Variants in ATAD3A observed in about 807,000 individuals in gnomAD.
The protein encoded by ATAD3A is ATPase family AAA domain containing 3A.
In ATAD3A, 46 loss-of-function variants were observed where a neutral mutation model predicts 73.8. The ratio of observed to expected loss-of-function variants is 0.62; its 90% CI spans 0.49 to 0.80. ATAD3A has a LOEUF of 0.80. Among genes scored for constraint, ATAD3A ranks in the 30% least tolerant of loss-of-function variants. ATAD3A has a pLI of 0.00. For missense variants in ATAD3A, 705 were observed against 838.0 expected (o/e 0.84, Z 1.96); for synonymous variants, 319 against 350.0 (o/e 0.91, Z 0.99).
chr1:1,530,208 A>C (rs1466768575), intron 15 of ATAD3A, among the ~76,000 whole-genome samples: 1 of 152,204 alleles, frequency 6.6e-6, no homozygotes, highest in African/African-American at 2.4e-5. Context: ...GTTCCAGGCC[A>C]TCCCCACTTG....
rs535236252 is a variant in ATAD3A, at chr1:1,516,880, T to A, written c.283-431T>A. Among the ~76,000 whole-genome samples the A allele has an allele frequency of 2.5e-3, 374 of 152,062 alleles. 1 individual carries two copies. The highest frequency in any genetic ancestry group is 3.8e-3 in the Non-Finnish European group (255 of 67,984). Reference sequence around the variant, plus strand: ...GAGCCCGCCACCACATCTGGCTAATTTTTGTATTTTTAGTAGAGATGGGGT... The same window carrying A: ...GAGCCCGCCACCACATCTGGCTAATATTTGTATTTTTAGTAGAGATGGGGT... On this transcript the variant is annotated intron_variant, in intron 2 of 15. Coordinates refer to ENST00000378756, the MANE Select transcript of ATAD3A (RefSeq NM_001170535.3).
chr1:1,530,826 C>A (rs1293049542), intron 15 of ATAD3A, among the ~76,000 whole-genome samples: 2 of 50,810 alleles, frequency 3.9e-5, no homozygotes, highest in South Asian at 1.3e-3. Flanking sequence ...GAGACTCCGT[C>A]TCAAAAAAAA....
At position 1,529,225 on chromosome 1, in the gene ATAD3A, G is replaced by T. The variant is rs202102565; in HGVS notation, c.1508G>T (p.Arg503Leu). The change falls in exon 15 of 16, where the codon CGC (arginine) becomes CTC (leucine). Residue 503 changes from arginine (R) to leucine (L), a missense_variant and splice_region_variant. Around this residue, in one of 5 missense-constraint regions of ATAD3A, gnomAD observed 252 missense variants for 278.5 expected, o/e 0.90. Transcript: ENST00000378756. The stretch of plus-strand genomic sequence containing the variant: ...CCACTTGGGAACTCCTTCCCCAGGC[G>T]CCTGAAGCTGGCCCAGTTTGACTAC... ...VLKPATEGKQ[R>L]LKLAQFDYGR... 1 of 1,608,052 alleles carries T rather than the reference G, an allele frequency of 6.2e-7. No individual in the cohort carries two copies. Among genetic ancestry groups the T allele is most frequent in the Non-Finnish European group, 8.5e-7 (1 of 1,178,182 alleles).
In ATAD3A at chr1:1,517,391, G is replaced by A; in HGVS notation, c.363G>A (p.Glu121=). ...QAEERRKTLS[E]ETRQHQARAQ... is the part of the protein sequence containing the mutation. ...AGGAGAGGAGGAAGACCCTGAGCGA[G>A]GAGACCCGGCAGCACCAGGCCGTAA... The change falls in exon 3 of 16, where the codon GAG becomes GAA. Residue 121 remains glutamate (E), a synonymous_variant. Coordinates refer to ENST00000378756, the MANE Select transcript of ATAD3A (RefSeq NM_001170535.3). The A allele has an allele frequency of 6.5e-7, 1 of 1,527,210 alleles. No homozygotes were observed. Among genetic ancestry groups the A allele is most frequent in the African/African-American group, 1.5e-5 (1 of 66,796 alleles). The allele number at this position is 1,527,210 out of a possible 1,614,324, so 94.6% of individuals were successfully genotyped here. A position where few individuals can be genotyped will look rare whatever the true frequency, so the allele number is the denominator to read the frequency against.
In ATAD3A at chr1:1,534,031, G is replaced by T. The variant is rs778953279; in HGVS notation, c.1720G>T (p.Ala574Ser). 3 of 1,613,458 alleles carry T rather than the reference G, an allele frequency of 1.9e-6. No individual in the cohort carries two copies. The African/African-American group carries it at 4.0e-5, about 22-fold the overall frequency. Reference protein sequence around the residue: ...QHQQKMCWLKAEGPGRGDEPS... With the variant: ...QHQQKMCWLKSEGPGRGDEPS... ...CCAGCAGAAGATGTGCTGGCTGAAG[G>T]CGGAAGGGCCTGGGCGTGGGGACGA... Residue 574 changes from alanine to serine, a missense_variant, in exon 16 of 16, where the codon GCG (alanine) becomes TCG (serine). Coordinates refer to ENST00000378756, the MANE Select transcript of ATAD3A (RefSeq NM_001170535.3).
intron 7 of ATAD3A, among the ~76,000 whole-genome samples, chr1:1,521,298 C>CAA (rs1001385922): frequency 0.04 from 997 of 25,226 alleles, 113 homozygotes; most frequent in East Asian, 0.084. Context: ...GGCTTCTTCT[C>CAA]AAAAAAAAAA....
intron 4 of ATAD3A, among the ~76,000 whole-genome samples, chr1:1,518,692 CA>C (rs1246310011): frequency 0.014 from 1,748 of 123,016 alleles, 49 homozygotes; most frequent in African/African-American, 0.052. Context: ...CACACACACC[CA>C]AACGGGTGCA....
chr1:1,522,702 G>T (rs999349916), intron 7 of ATAD3A, 42 bp from the exon 8 acceptor site: 3 of 1,608,524 alleles, frequency 1.9e-6, no homozygotes, highest in South Asian at 2.2e-5. Flanking sequence ...AAGAGGGAGG[G>T]ACGGTGGGGG....
At chr1:1,533,708 GCA>G (rs1156448299) in intron 15 of ATAD3A, among the ~76,000 whole-genome samples, 4,357 of 150,994 alleles carry the variant, frequency 0.029, 227 homozygotes, top group African/African-American at 0.1. Flanking sequence ...TTGAGCAACA[GCA>G]GTGCTGAGGA....
At chr1:1,528,750 T>C (rs1641935935) in intron 14 of ATAD3A, among the ~76,000 whole-genome samples, 1 of 152,234 alleles carries the variant, frequency 6.6e-6, no homozygotes, top group African/African-American at 2.4e-5. Flanking sequence ...TCGCCAGTGA[T>C]GACAAAAGAG....
chr1:1,520,394 G>T lies in ATAD3A; in HGVS notation c.680+88G>T. The T allele has an allele frequency of 6.3e-7, 1 of 1,592,230 alleles. No homozygotes were observed. Among genetic ancestry groups the T allele is most frequent in the Non-Finnish European group, 8.6e-7 (1 of 1,166,154 alleles). On this transcript the variant is annotated intron_variant, in intron 6 of 15. Transcript: ENST00000378756. The surrounding 1 kb of genome is among the most constrained non-coding windows in gnomAD (Gnocchi z 4.0). ...CCAGGGCGCTCTCCAGCTCTTCCAG[G>T]CCTTGCCGCCGTAGGCTGACTCCTT... is the stretch of plus-strand genomic sequence containing the variant.
At position 1,523,755 on chromosome 1, in the gene ATAD3A, G is replaced by C; in HGVS notation, c.964-84G>C. 1 of 1,603,160 alleles carries C rather than the reference G, an allele frequency of 6.2e-7. No homozygotes were observed. Among genetic ancestry groups the C allele is most frequent in the Non-Finnish European group, 8.5e-7 (1 of 1,173,938 alleles). On this transcript the variant is annotated intron_variant, in intron 9 of 15. Transcript: ENST00000378756. This position sits in a 1 kb window ranked among gnomAD's most constrained non-coding sequence, Gnocchi z 5.1. ...GGAGGCTTCCCGAGGAGCCGAGTCTGCACCCAGGCATTCCCGCAGCCCCTT... is the reference window on the plus strand; with the variant it reads ...GGAGGCTTCCCGAGGAGCCGAGTCTCCACCCAGGCATTCCCGCAGCCCCTT...
chr1:1,527,777 G>C lies in ATAD3A; in HGVS notation c.1420G>C (p.Asp474His), dbSNP rs78493114. ...CCGCATCAATGAGATGGTCCACTTC[G>C]ACCTGCCAGGGCAGGAGGAACGGGA... Reference protein sequence around the residue: ...NDRINEMVHFDLPGQEERERL... With the variant: ...NDRINEMVHFHLPGQEERERL... Residue 474 changes from aspartate (D) to histidine (H), a missense_variant, in exon 14 of 16, where the codon GAC becomes CAC. By Grantham distance (81) the Asp-to-His change is moderately conservative. Around this residue, in one of 5 missense-constraint regions of ATAD3A, gnomAD observed 252 missense variants for 278.5 expected, o/e 0.90. Coordinates refer to ENST00000378756, the MANE Select transcript of ATAD3A (RefSeq NM_001170535.3). 5,260 of 1,613,892 alleles carry C rather than the reference G, an allele frequency of 3.3e-3. 161 individuals are homozygous for C. In the African/African-American group the frequency reaches 0.061, roughly 19 times the overall value.
At chr1:1,527,620 C>T (rs111258858) in intron 13 of ATAD3A, 75 bp from the exon 14 acceptor site, 2 of 1,513,378 alleles carry the variant, frequency 1.3e-6, no homozygotes, top group South Asian at 1.3e-5. Flanking sequence ...CCTGTGGGGG[C>T]TGAGGAGGCC....
chr1:1,525,650 G>C (rs966413838), intron 12 of ATAD3A, among the ~76,000 whole-genome samples: 2 of 152,056 alleles, frequency 1.3e-5, no homozygotes, highest in African/African-American at 4.8e-5. Context: ...TCCTGACCTC[G>C]TGATCCTCCC....
In ATAD3A at chr1:1,516,921, AG is replaced by A. The variant is rs1412355455; in HGVS notation, c.283-388del. On this transcript the variant is annotated intron_variant, in intron 2 of 15. Transcript: ENST00000378756. Reference sequence around the variant, plus strand: ...GAGATGGGGTTTCACCATGTTGTTCAGGCTGGTCTCGAACTACTAACCTCAG... The same window carrying A: ...GAGATGGGGTTTCACCATGTTGTTCAGCTGGTCTCGAACTACTAACCTCAG... 5.1e-6 allele frequency: 3 copies of A among 593,414 alleles called. No individual in the cohort carries two copies. The East Asian group carries it at 9.6e-5, about 19-fold the overall frequency. 36.8% of individuals were successfully genotyped at this position (593,414 alleles called of 1,614,324 possible).
At chr1:1,526,368 C>T in intron 12 of ATAD3A, 93 bp from the exon 13 acceptor site, 1 of 1,567,314 alleles carries the variant, frequency 6.4e-7, no homozygotes, top group Non-Finnish European at 8.6e-7. Flanking sequence ...CATGTCCCTG[C>T]TCCCTGCAGG....
intron 2 of ATAD3A, 21 bp downstream of exon 2, chr1:1,516,109 T>G (rs9439459): frequency 1.9e-6 from 3 of 1,611,860 alleles, no homozygotes; most frequent in Non-Finnish European, 2.5e-6. Context: ...CCGGTGTGGG[T>G]GGGGAGGCCG....
Position 1,512,321 on chromosome 1 carries a change from C to T in ATAD3A, c.53C>T (p.Pro18Leu). ...GGCCCCAAGGGTGAAGGCGCGGGGC[C>T]GCCGCCGCCTTTGCCGCCCGCGCAG... ...NKGPKGEGAG[P>L]PPPLPPAQPG... The change falls in exon 1 of 16, where the codon CCG becomes CTG. Residue 18 changes from proline to leucine, a missense_variant. Transcript: ENST00000378756. The T allele has an allele frequency of 8.0e-7, 1 of 1,242,426 alleles. No homozygotes were observed. The allele number at this position is 1,242,426 out of a possible 1,614,324, so 77.0% of individuals were successfully genotyped here.
Sources: gnomAD v4.1 joint callset for allele counts (sites outside exome capture counted in the v4.1 genomes callset) on GRCh38, gnomAD v4.1.1 for gene constraint, gnomAD v4.1.1 regional missense constraint, Gnocchi (gnomAD v3.1) non-coding constraint, MANE v1.5 for transcripts, NCBI Gene and HGNC (gene_info 2026-07-23, HGNC 2026-07-21) for gene names.